Variants in CSMD3 observed in about 807,000 individuals in gnomAD.
CSMD3 encodes the protein CUB and Sushi multiple domains 3.
CSMD3 carries 177 observed loss-of-function variants against 435.2 expected under a neutral mutation model. The ratio of observed to expected loss-of-function variants is 0.41; its 90% CI spans 0.36 to 0.46. The LOEUF is 0.46. Among genes scored for constraint, CSMD3 ranks in the 20% least tolerant of loss-of-function variants. CSMD3 has a pLI of 0.34. For synonymous variants in CSMD3, 1,656 were observed against 1,520.5 expected (o/e 1.09, Z -2.07); for missense variants, 4,265 against 4,504.6 (o/e 0.95, Z 1.52).
At chr8:112,587,312 T>C in intron 22 of CSMD3, 77 bp from the exon 23 acceptor site, 1 of 1,068,228 alleles carries the variant, frequency 9.4e-7, no homozygotes, top group Non-Finnish European at 1.4e-6. Context: ...TGTATGGAAG[T>C]GTTATGCATT....
chr8:113,417,208 A>T (rs1052106229), intron 1 of CSMD3, among the ~76,000 whole-genome samples: 6 of 151,980 alleles, frequency 3.9e-5, no homozygotes, highest in Non-Finnish European at 8.8e-5. Context: ...TTAAAGAAGA[A>T]ATATAAAAAC....
chr8:112,273,674 C>T (rs557908107), intron 59 of CSMD3, among the ~76,000 whole-genome samples: 141 of 143,898 alleles, frequency 9.8e-4, no homozygotes, highest in African/African-American at 3.5e-3. Context: ...TGCAGTGAGC[C>T]GAGATCATGC....
intron 59 of CSMD3, among the ~76,000 whole-genome samples, chr8:112,276,689 A>G (rs1240673594): frequency 6.6e-6 from 1 of 152,080 alleles, no homozygotes; most frequent in Non-Finnish European, 1.5e-5. Context: ...TTCAGAGTGT[A>G]CAAGTCCTTG....
chr8:112,362,175 T>C lies in CSMD3; in HGVS notation c.6137-9641A>G, dbSNP rs1492678. The stretch of plus-strand genomic sequence containing the variant: ...GTAAACATGCAGATATTTTTCTGGC[T>C]TAAGGTACCTCAGAATCAATTGATT... On this transcript the variant is annotated intron_variant, in intron 38 of 70. Coordinates refer to ENST00000297405, the MANE Select transcript of CSMD3 (RefSeq NM_198123.2). Among the ~76,000 whole-genome samples, 6 of 151,750 alleles carry C rather than the reference T, an allele frequency of 4.0e-5. No homozygotes were observed. The East Asian group carries it at 9.7e-4, about 25-fold the overall frequency.
intron 2 of CSMD3, among the ~76,000 whole-genome samples, chr8:113,289,424 CT>C (rs2093669077): frequency 6.6e-6 from 1 of 151,288 alleles, no homozygotes; most frequent in Non-Finnish European, 1.5e-5. Context: ...GACTTTTGAT[CT>C]TTTTGGATGT....
intron 32 of CSMD3, among the ~76,000 whole-genome samples, chr8:112,448,791 A>G (rs1815933969): frequency 6.6e-6 from 1 of 150,588 alleles, no homozygotes; most frequent in Non-Finnish European, 1.5e-5. Context: ...AAAAACCTCT[A>G]CTGGAGTTCT....
intron 32 of CSMD3, among the ~76,000 whole-genome samples, chr8:112,463,161 A>G (rs1817623766): frequency 6.6e-6 from 1 of 152,168 alleles, no homozygotes; most frequent in Non-Finnish European, 1.5e-5. Context: ...CAGGAGTTCA[A>G]GACTAGCCTG....
At chr8:112,984,495 C>T (rs1005689233) in intron 6 of CSMD3, among the ~76,000 whole-genome samples, 15 of 152,006 alleles carry the variant, frequency 9.9e-5, no homozygotes, top group Non-Finnish European at 2.1e-4. Context: ...TATAATATCT[C>T]GCCAACTGTC....
chr8:112,821,599 T>A (rs920599646), intron 12 of CSMD3, among the ~76,000 whole-genome samples: 15 of 152,232 alleles, frequency 9.9e-5, no homozygotes, highest in African/African-American at 3.6e-4. Context: ...TTCTTTAGGT[T>A]GCCTGTTCAC....
chr8:112,392,864 C>CTTTTTTTTTTT (rs56809581), intron 35 of CSMD3, among the ~76,000 whole-genome samples: 71 of 122,134 alleles, frequency 5.8e-4, no homozygotes, highest in South Asian at 1.3e-3. Context: ...TCTTTTTTTT[C>CTTTTTTTTTTT]TTTTTTTTTT....
At chr8:112,687,636 A>G in intron 14 of CSMD3, among the ~76,000 whole-genome samples, 1 of 152,222 alleles carries the variant, frequency 6.6e-6, no homozygotes, top group East Asian at 1.9e-4. Context: ...TCATTCAAAA[A>G]TATTTTGTAC....
intron 1 of CSMD3, among the ~76,000 whole-genome samples, chr8:113,427,653 G>A (rs1319381491): frequency 6.6e-6 from 1 of 151,450 alleles, no homozygotes; most frequent in Admixed American, 6.6e-5. Flanking sequence ...TTAACTAAAG[G>A]ACACTTATGG....
chr8:112,898,349 A>G (rs2082009579), intron 10 of CSMD3, among the ~76,000 whole-genome samples: 1 of 151,238 alleles, frequency 6.6e-6, no homozygotes, highest in Non-Finnish European at 1.5e-5. Flanking sequence ...TTTTGCATTC[A>G]TAAAATTTAT....
chr8:113,153,174 A>AAGGAAGGAAGGAAGGAAG (rs2091864395), intron 4 of CSMD3, among the ~76,000 whole-genome samples: 1 of 64,848 alleles, frequency 1.5e-5, no homozygotes, highest in Non-Finnish European at 3.4e-5. Flanking sequence ...AAGGAAGGAA[A>AAGGAAGGAAGGAAGGAAG]GAAGGAAGGG....
intron 45 of CSMD3, among the ~76,000 whole-genome samples, chr8:112,328,620 A>C (rs1823739462): frequency 6.6e-6 from 1 of 152,156 alleles, no homozygotes; most frequent in Non-Finnish European, 1.5e-5. Flanking sequence ...TCCTGACCCA[A>C]ATCTTATCTC....
At chr8:113,009,974 A>G (rs2086197992) in intron 6 of CSMD3, among the ~76,000 whole-genome samples, 1 of 151,780 alleles carries the variant, frequency 6.6e-6, no homozygotes, top group South Asian at 2.1e-4. Context: ...TCATATGATT[A>G]ATTTGTAATA....
chr8:112,727,289 A>G (rs2076986678), intron 13 of CSMD3, among the ~76,000 whole-genome samples: 1 of 151,880 alleles, frequency 6.6e-6, no homozygotes, highest in African/African-American at 2.4e-5. Context: ...GATTTTCCAC[A>G]AACTGAATAT....
At chr8:112,923,868 T>C (rs1205341310) in intron 9 of CSMD3, among the ~76,000 whole-genome samples, 2 of 152,186 alleles carry the variant, frequency 1.3e-5, no homozygotes, top group Non-Finnish European at 2.9e-5. Flanking sequence ...GATATGTCCT[T>C]ATCCCTATAA....
chr8:112,804,954 A>G (rs2079049209), intron 12 of CSMD3, among the ~76,000 whole-genome samples: 1 of 152,104 alleles, frequency 6.6e-6, no homozygotes, highest in African/African-American at 2.4e-5. Flanking sequence ...TGCATTTTCT[A>G]GTAGTTGCTG....
Sources: gnomAD v4.1 joint callset for allele counts (sites outside exome capture counted in the v4.1 genomes callset) on GRCh38, gnomAD v4.1.1 for gene constraint, MANE v1.5 for transcripts, NCBI Gene and HGNC (gene_info 2026-07-23, HGNC 2026-07-21) for gene names.